TSG101: variants seen among roughly 807,000 people sequenced by gnomAD.
The protein encoded by TSG101 is tumor susceptibility gene 101 protein.
In TSG101, 19 loss-of-function variants were observed where a neutral mutation model predicts 48.5. That is an observed-to-expected ratio of 0.39 (90% CI 0.27 to 0.58). The LOEUF (loss-of-function observed/expected upper bound fraction) is 0.58, where lower values mean the gene tolerates loss of function less well. TSG101 is among the 20% of genes least tolerant of loss of function. The pLI is 0.55. For synonymous variants in TSG101, 174 were observed against 169.4 expected (o/e 1.03, Z -0.21); for missense variants, 365 against 484.4 (o/e 0.75, Z 2.31).
chr11:18,489,115 A>C (rs985219237), intron 7 of TSG101, among the ~76,000 whole-genome samples: 2 of 148,770 alleles, frequency 1.3e-5, no homozygotes, highest in Non-Finnish European at 3.0e-5. Context: ...CTCCATCTCA[A>C]AAAAAAAAAA....
intron 6 of TSG101, among the ~76,000 whole-genome samples, chr11:18,503,942 A>AG (rs1438720347): frequency 6.6e-6 from 1 of 152,108 alleles, no homozygotes; most frequent in Non-Finnish European, 1.5e-5. Flanking sequence ...AGTGGATCAC[A>AG]CCTGTAATCC....
chr11:18,523,972 G>T (rs1393900153), intron 1 of TSG101, among the ~76,000 whole-genome samples: 1 of 152,094 alleles, frequency 6.6e-6, no homozygotes, highest in Non-Finnish European at 1.5e-5. Context: ...TAAATTTTCT[G>T]TAGAGACAGA....
At position 18,481,746 on chromosome 11, in the gene TSG101, G is replaced by A; in HGVS notation, c.967C>T (p.Pro323Ser). ...AGATTCAGGATCTGTTTGTATAAGG[G>A]AGCTGTGGGAATGATAACTTCATCG... Reference protein sequence around the residue: ...DIDEVIIPTAPLYKQILNLYA... With the variant: ...DIDEVIIPTASLYKQILNLYA... The change falls in exon 9 of 10, where the codon CCC becomes TCC. Residue 323 changes from proline to serine, a missense_variant. By Grantham distance (74) the Pro-to-Ser change is moderately conservative (BLOSUM62 -1). Coordinates refer to ENST00000251968, the MANE Select transcript of TSG101 (RefSeq NM_006292.4). The A allele has an allele frequency of 6.2e-7, 1 of 1,614,128 alleles. No individual in the cohort carries two copies. Among genetic ancestry groups the A allele is most frequent in the Non-Finnish European group, 8.5e-7 (1 of 1,180,016 alleles).
chr11:18,481,342 A>G (rs553764244), intron 9 of TSG101: 1 of 1,125,108 alleles, frequency 8.9e-7, no homozygotes, highest in African/African-American at 1.6e-5. Context: ...TGGAAATCTG[A>G]TCGTACCTCC....
At chr11:18,506,710 T>A (rs1849981552) in intron 6 of TSG101, 147 bp downstream of exon 6, 2 of 520,920 alleles carry the variant, frequency 3.8e-6, no homozygotes, top group Admixed American at 7.6e-5. Context: ...AATAAATAAA[T>A]AAATAAATTC....
At position 18,502,685 on chromosome 11, in the gene TSG101, T is replaced by G. The variant is rs940886872; in HGVS notation, c.549-108A>C. The G allele has an allele frequency of 1.4e-5, 11 of 773,880 alleles. No individual in the cohort carries two copies. In the Admixed American group the frequency reaches 2.7e-4, roughly 19 times the overall value. 47.9% of individuals were successfully genotyped at this position (773,880 alleles called of 1,614,324 possible). On this transcript the variant is annotated intron_variant, in intron 6 of 9. Transcript: ENST00000251968. ...GCTTGACATATGGTTGTTTTACCAG[T>G]TGATGAATTTATAGTCTTGGAGCTG...
At chr11:18,501,204 C>T (rs573679185) in intron 7 of TSG101, among the ~76,000 whole-genome samples, 6 of 152,142 alleles carry the variant, frequency 3.9e-5, no homozygotes, top group South Asian at 2.1e-4. Context: ...GCCAATGTCC[C>T]GAAGGGTTTC....
At position 18,498,790 on chromosome 11, in the gene TSG101, T is replaced by C. The variant is rs145672358; in HGVS notation, c.640+3696A>G. Among the ~76,000 whole-genome samples, 212 of 152,098 alleles carry C rather than the reference T, an allele frequency of 1.4e-3. 1 individual carries two copies. The highest frequency in any genetic ancestry group is 4.7e-3 in the African/African-American group (193 of 41,492). On this transcript the variant is annotated intron_variant, in intron 7 of 9. Transcript: ENST00000251968. ...TGAGGATAGAGAGTGCCAAGGAGAC[T>C]AAGCCAGGGTCACACCAATGTTAAG...
chr11:18,503,155 T>A (rs1012355096), intron 6 of TSG101, among the ~76,000 whole-genome samples: 16 of 152,158 alleles, frequency 1.1e-4, no homozygotes, highest in African/African-American at 3.9e-4. Flanking sequence ...TCCAATCACC[T>A]TTCCAACAAT....
At chr11:18,483,623 T>C (rs2643870) in intron 8 of TSG101, among the ~76,000 whole-genome samples, 104,384 of 152,000 alleles carry the variant, frequency 0.69, 35,962 homozygotes, top group Non-Finnish European at 0.71. Flanking sequence ...TTATCAGCAG[T>C]GTGAAAACGA....
intron 5 of TSG101, 52 bp downstream of exon 5, chr11:18,509,490 C>A (rs2133924320): frequency 2.6e-6 from 4 of 1,563,336 alleles, no homozygotes; most frequent in Non-Finnish European, 3.5e-6. Flanking sequence ...ACAAAGGTTT[C>A]TGTTCTCTTT....
intron 7 of TSG101, among the ~76,000 whole-genome samples, chr11:18,499,212 AT>A (rs1033122261): frequency 1.4e-4 from 20 of 138,296 alleles, no homozygotes; most frequent in Admixed American, 4.1e-4. Context: ...TATATATAAA[AT>A]ATATATATTT....
At chr11:18,503,273 G>C (rs1233052891) in intron 6 of TSG101, among the ~76,000 whole-genome samples, 1 of 151,664 alleles carries the variant, frequency 6.6e-6, no homozygotes, top group Non-Finnish European at 1.5e-5. Context: ...TCCTAAATTT[G>C]CATTTTGGAA....
chr11:18,499,385 T>A (rs1393410648), intron 7 of TSG101, among the ~76,000 whole-genome samples: 2 of 8,528 alleles, frequency 2.3e-4, no homozygotes, highest in African/African-American at 6.4e-4. Flanking sequence ...TATTTAAATA[T>A]ATATATATAT....
chr11:18,514,146 A>T (rs888255458), intron 4 of TSG101, among the ~76,000 whole-genome samples: 1 of 151,754 alleles, frequency 6.6e-6, no homozygotes, highest in Non-Finnish European at 1.5e-5. Context: ...GAACTACCTC[A>T]TCTCTTTGCT....
intron 7 of TSG101, among the ~76,000 whole-genome samples, chr11:18,491,490 G>T (rs1252198250): frequency 6.6e-6 from 1 of 152,206 alleles, no homozygotes; most frequent in Non-Finnish European, 1.5e-5. Context: ...ACTGGGAAAA[G>T]TCAGCACTGC....
chr11:18,491,348 T>C (rs1430179403), intron 7 of TSG101, among the ~76,000 whole-genome samples: 1 of 152,166 alleles, frequency 6.6e-6, no homozygotes, highest in Non-Finnish European at 1.5e-5. Context: ...CTGGAGGAGC[T>C]GGAGACTAAA....
At chr11:18,518,145 G>C (rs1850209888) in intron 2 of TSG101, among the ~76,000 whole-genome samples, 1 of 152,118 alleles carries the variant, frequency 6.6e-6, no homozygotes, top group African/African-American at 2.4e-5. Context: ...GGCCTTTGTA[G>C]TTCAAAATAC....
rs1324855170 is a variant in TSG101, at chr11:18,483,912, G to C, written c.801C>G (p.His267Gln). ...KRTEEDLKKGHQKLEEMVTRL... is the reference protein window; with the variant it reads ...KRTEEDLKKGQQKLEEMVTRL... ...GGGTAACCATCTCTTCCAGTTTCTGGTGACCCTTTTTCAGGTCTTCTTCTG... is the reference window on the plus strand; with the variant it reads ...GGGTAACCATCTCTTCCAGTTTCTGCTGACCCTTTTTCAGGTCTTCTTCTG... The change falls in exon 8 of 10, where the codon CAC becomes CAG. Residue 267 changes from histidine to glutamine, a missense_variant. Physicochemically the swap from His to Gln is conservative, Grantham distance 24 (BLOSUM62 0). Transcript: ENST00000251968. 1 of 1,614,076 alleles carries C rather than the reference G, an allele frequency of 6.2e-7. No individual in the cohort carries two copies. The highest frequency in any genetic ancestry group is 8.5e-7 in the Non-Finnish European group (1 of 1,180,018).
Sources: gnomAD v4.1 joint callset for allele counts (sites outside exome capture counted in the v4.1 genomes callset) on GRCh38, gnomAD v4.1.1 for gene constraint, MANE v1.5 for transcripts, NCBI Gene and HGNC (gene_info 2026-07-23, HGNC 2026-07-21) for gene names.